Variants in PRRC2C observed in about 807,000 individuals in gnomAD.
PRRC2C encodes the protein protein PRRC2C.
PRRC2C carries 72 observed loss-of-function variants against 317.2 expected under a neutral mutation model. The ratio of observed to expected loss-of-function variants is 0.23; its 90% CI spans 0.19 to 0.28. The LOEUF (loss-of-function observed/expected upper bound fraction) is 0.28, where lower values mean the gene tolerates loss of function less well. PRRC2C is among the 10% of genes least tolerant of loss of function. PRRC2C has a pLI of 1.00. For missense variants in PRRC2C, 3,074 were observed against 3,459.7 expected (o/e 0.89, Z 2.80); for synonymous variants, 1,296 against 1,205.9 (o/e 1.07, Z -1.55).
At chr1:171,514,720 A>G in intron 4 of PRRC2C, 75 bp downstream of exon 4, 1 of 1,272,538 alleles carries the variant, frequency 7.9e-7, no homozygotes, top group Middle Eastern at 1.8e-4. Flanking sequence ...TAAGGGGTGA[A>G]CTGTGTTTTG....
intron 1 of PRRC2C, chr1:171,509,844 C>CTTTTT (rs11363110): frequency 5.9e-4 from 35 of 59,766 alleles, no homozygotes; most frequent in Non-Finnish European, 7.4e-4. Flanking sequence ...AACATTGTTT[C>CTTTTT]TTTTTTTTTT....
intron 3 of PRRC2C, among the ~76,000 whole-genome samples, chr1:171,514,251 AGTGTGTGTGTATGT>A (rs762451466): frequency 2.4e-4 from 32 of 131,746 alleles, no homozygotes; most frequent in Non-Finnish European, 3.9e-4. Context: ...TTTAATTAAA[AGTGTGTGTGTATGT>A]GTGTGTGTGT....
chr1:171,553,092 G>A (rs564633498), intron 18 of PRRC2C, among the ~76,000 whole-genome samples: 54 of 152,228 alleles, frequency 3.5e-4, no homozygotes, highest in Non-Finnish European at 6.8e-4. Context: ...GTCTGGCCCT[G>A]GACTTTTTTT....
intron 1 of PRRC2C, among the ~76,000 whole-genome samples, chr1:171,506,598 G>A (rs555222551): frequency 1.4e-5 from 1 of 70,988 alleles, no homozygotes; most frequent in East Asian, 4.2e-4. Context: ...GTTCACTTAA[G>A]GTCTTTTTTT....
chr1:171,584,131 C>T lies in PRRC2C; in HGVS notation c.7585C>T (p.Leu2529=). The T allele has an allele frequency of 6.2e-7, 1 of 1,613,994 alleles. No individual in the cohort carries two copies. Among genetic ancestry groups the T allele is most frequent in the Non-Finnish European group, 8.5e-7 (1 of 1,179,882 alleles). Residue 2529 remains leucine (L), a synonymous_variant, in exon 29 of 35, where the codon CTG becomes TTG. Coordinates refer to ENST00000647382, the MANE Select transcript of PRRC2C (RefSeq NM_001387844.1). ...QPIPILYEHQ[L]GQASGLGGSQ... is the part of the protein sequence containing the mutation. Reference sequence around the variant, plus strand: ...CATTCCTATATTGTATGAACATCAACTGGGGCAGGCATCAGGACTAGGAGG... The same window carrying T: ...CATTCCTATATTGTATGAACATCAATTGGGGCAGGCATCAGGACTAGGAGG...
chr1:171,500,908 T>G (rs1668986133), intron 1 of PRRC2C, among the ~76,000 whole-genome samples: 1 of 152,212 alleles, frequency 6.6e-6, no homozygotes, highest in South Asian at 2.1e-4. Context: ...TGTTTTGTTT[T>G]GTTTTTTGAG....
chr1:171,512,790 TCTGTTAAATG>T, intron 2 of PRRC2C, 195 bp from the exon 3 acceptor site: 2 of 439,724 alleles, frequency 4.5e-6, no homozygotes, highest in Non-Finnish European at 3.9e-6. Context: ...TTTTAAGGAA[TCTGTTAAATG>T]CTGTTAAATG....
At chr1:171,532,246 C>CT in intron 11 of PRRC2C, 97 bp from the exon 12 acceptor site, 1 of 1,279,228 alleles carries the variant, frequency 7.8e-7, no homozygotes, top group Non-Finnish European at 1.1e-6. Flanking sequence ...AGAGAAATTT[C>CT]TGATATTTTT....
intron 31 of PRRC2C, 75 bp downstream of exon 31, chr1:171,587,296 C>CT: frequency 3.0e-6 from 4 of 1,316,018 alleles, no homozygotes; most frequent in Non-Finnish European, 4.1e-6. Flanking sequence ...TCTGTGTTAT[C>CT]TAAAAAACTA....
chr1:171,527,915 AT>A, intron 11 of PRRC2C, 71 bp downstream of exon 11: 3 of 1,305,926 alleles, frequency 2.3e-6, no homozygotes, highest in Non-Finnish European at 3.2e-6. Context: ...AAGACACCAA[AT>A]TTTTTATTCA....
At chr1:171,533,736 G>C (rs1676294423) in intron 12 of PRRC2C, among the ~76,000 whole-genome samples, 1 of 152,146 alleles carries the variant, frequency 6.6e-6, no homozygotes, top group South Asian at 2.1e-4. Flanking sequence ...TGATTCTCCT[G>C]CCCCAGCCTC....
In PRRC2C at chr1:171,582,642, C is replaced by T. The variant is rs1167832507; in HGVS notation, c.7410-1314C>T. ...GTAACACAGTGGTAAATATTTGTGT[C>T]TAAACATAGAAATCTAAACAATCTA... is the stretch of plus-strand genomic sequence containing the variant. On this transcript the variant is annotated intron_variant, in intron 28 of 34. Coordinates refer to ENST00000647382, the MANE Select transcript of PRRC2C (RefSeq NM_001387844.1). Among the ~76,000 whole-genome samples the T allele has an allele frequency of 2.0e-5, 3 of 151,964 alleles. No homozygotes were observed. The East Asian group carries it at 5.8e-4, about 29-fold the overall frequency.
intron 17 of PRRC2C, 52 bp downstream of exon 17, chr1:171,545,739 T>TCA: frequency 2.7e-6 from 3 of 1,125,502 alleles, no homozygotes; most frequent in Admixed American, 4.1e-5. Flanking sequence ...ATTTATTTAT[T>TCA]TATTTATTTG....
At chr1:171,515,225 C>CA (rs1276206227) in intron 4 of PRRC2C, among the ~76,000 whole-genome samples, 26 of 152,010 alleles carry the variant, frequency 1.7e-4, no homozygotes, top group African/African-American at 6.0e-4. Context: ...TATAGAAGTA[C>CA]AAAAAATAGG....
chr1:171,496,909 C>G (rs1256733396), intron 1 of PRRC2C, among the ~76,000 whole-genome samples: 2 of 151,964 alleles, frequency 1.3e-5, no homozygotes, highest in African/African-American at 4.8e-5. Flanking sequence ...TCAAGCGATC[C>G]TCCTGCTTCA....
Position 171,532,764 on chromosome 1 carries a change from A to C in PRRC2C, c.1676A>C (p.Lys559Thr), listed in dbSNP as rs770924398. 4.6e-6 allele frequency: 7 copies of C among 1,532,934 alleles called. No homozygotes were observed. In the Admixed American group the frequency reaches 1.6e-4, roughly 34 times the overall value. 95.0% of individuals were successfully genotyped at this position (1,532,934 alleles called of 1,614,324 possible). A position where few individuals can be genotyped will look rare whatever the true frequency, so the allele number is the denominator to read the frequency against. ...KEQEKQREME[K>T]ERKQEKEKEL... ...CAGGAAAAACAAAGAGAAATGGAGA[A>C]AGAAAGAAAGCAAGAAAAAGAAAAA... Residue 559 changes from lysine to threonine, a missense_variant, in exon 12 of 35, where the codon AAA becomes ACA. This residue lies in a region of PRRC2C where 1,320 missense variants were observed against 1,395.7 expected (regional missense o/e 0.95). Coordinates refer to ENST00000647382, the MANE Select transcript of PRRC2C (RefSeq NM_001387844.1).
chr1:171,549,496 TC>T (rs1679779085), intron 17 of PRRC2C, among the ~76,000 whole-genome samples: 1 of 152,202 alleles, frequency 6.6e-6, no homozygotes. Flanking sequence ...TGATTTTTTT[TC>T]TTTTTTAAGG....
intron 20 of PRRC2C, among the ~76,000 whole-genome samples, chr1:171,562,825 G>T (rs1306824236): frequency 6.6e-6 from 1 of 152,184 alleles, no homozygotes; most frequent in Admixed American, 6.5e-5. Flanking sequence ...TATAGATGAT[G>T]TTTAAAGTGA....
rs373211990 is a variant in PRRC2C at position 171,537,844 on chromosome 1, T to G, written c.2504+371T>G. Among the ~76,000 whole-genome samples, 7 of 152,164 alleles carry G rather than the reference T, an allele frequency of 4.6e-5. No individual in the cohort carries two copies. The East Asian group carries it at 5.8e-4, about 13-fold the overall frequency. On this transcript the variant is annotated intron_variant, in intron 15 of 34. Transcript: ENST00000647382. ...CCTCAGCTTCCTGAGTGGCTGAGAC[T>G]ACATGCGTTCACCACCACACCCCGC...
Sources: allele counts gnomAD v4.1 joint callset (sites outside exome capture counted in the v4.1 genomes callset), GRCh38; gene constraint gnomAD v4.1.1; regional missense constraint gnomAD v4.1.1; transcripts MANE v1.5; gene names NCBI Gene and HGNC (gene_info 2026-07-23, HGNC 2026-07-21).